Variants in SAXO4 observed in about 807,000 individuals in gnomAD.
SAXO4 encodes the protein protein phosphatase 1 regulatory subunit 32.
At chr11:61,481,235 T>C in the SAXO4 span, 2 of 152,256 alleles carry the variant, frequency 1.3e-5, no homozygotes, top group African/African-American at 4.8e-5. Flanking sequence ...GGGGCCGCTG[T>C]GGTTGGGCCT....
chr11:61,488,455 C>T, the SAXO4 span, among the ~76,000 whole-genome samples: 2 of 152,060 alleles, frequency 1.3e-5, no homozygotes, highest in Non-Finnish European at 2.9e-5. Flanking sequence ...CAGGCGCCTG[C>T]CACCACGCCC....
the SAXO4 span, among the ~76,000 whole-genome samples, chr11:61,488,133 T>C: frequency 6.6e-6 from 1 of 151,706 alleles, no homozygotes; most frequent in African/African-American, 2.4e-5. Flanking sequence ...ATTACAGGCA[T>C]GTGCCACCAT....
At chr11:61,489,840 C>T in the SAXO4 span, 1 of 1,613,952 alleles carries the variant, frequency 6.2e-7, no homozygotes, top group Non-Finnish European at 8.5e-7. Context: ...AGGTGGCATC[C>T]AGCCCCAGAT....
chr11:61,482,352 A>C, the SAXO4 span: 2 of 1,614,150 alleles, frequency 1.2e-6, no homozygotes, highest in African/African-American at 1.3e-5. Context: ...TCACGTAGGC[A>C]CCGGCTACAA....
At chr11:61,482,947 T>A in the SAXO4 span, 2 of 877,874 alleles carry the variant, frequency 2.3e-6, no homozygotes, top group Non-Finnish European at 3.3e-6. Context: ...CTCATCTTTC[T>A]CCCCTTTGTC....
At chr11:61,484,799 C>T in the SAXO4 span, 117 of 1,600,432 alleles carry the variant, frequency 7.3e-5, no homozygotes, top group African/African-American at 2.0e-4. Context: ...CCCGCTGGAG[C>T]GGGAGAACTT....
At chr11:61,486,304 G>A in the SAXO4 span, 1 of 1,609,728 alleles carries the variant, frequency 6.2e-7, no homozygotes, top group African/African-American at 1.3e-5. Flanking sequence ...GGCCCAGGCT[G>A]CCTCTGCGGG....
chr11:61,487,818 A>G, the SAXO4 span, among the ~76,000 whole-genome samples: 12 of 152,156 alleles, frequency 7.9e-5, no homozygotes, highest in Non-Finnish European at 1.5e-5. Context: ...CTCCCTCAGA[A>G]GGTAAATTCT....
chr11:61,490,395 G>A, the SAXO4 span: 8 of 1,046,378 alleles, frequency 7.6e-6, no homozygotes, highest in Non-Finnish European at 9.0e-6. Flanking sequence ...TGCCCTGGCT[G>A]AACCCTGGCT....
chr11:61,483,618 C>T, the SAXO4 span, among the ~76,000 whole-genome samples: 1 of 151,722 alleles, frequency 6.6e-6, no homozygotes, highest in South Asian at 2.1e-4. Context: ...CGGGGTGGGG[C>T]GGGGGTTAGG....
At chr11:61,488,381 T>C in the SAXO4 span, among the ~76,000 whole-genome samples, 1 of 148,312 alleles carries the variant, frequency 6.7e-6, no homozygotes, top group Non-Finnish European at 1.5e-5. Flanking sequence ...CTCGGCTCAC[T>C]GCAAACCCCG....
At chr11:61,482,857 G>T in the SAXO4 span, 18 of 1,525,634 alleles carry the variant, frequency 1.2e-5, no homozygotes, top group Non-Finnish European at 1.6e-5. Context: ...GGTGGGGTGG[G>T]GCTAGGGCTG....
At chr11:61,484,706 G>T in the SAXO4 span, 11 of 1,613,596 alleles carry the variant, frequency 6.8e-6, no homozygotes, top group Middle Eastern at 1.6e-4. Flanking sequence ...GGTCCATTTC[G>T]ACACCCAGGA....
chr11:61,485,860 C>T, the SAXO4 span: 172 of 1,614,054 alleles, frequency 1.1e-4, 3 homozygotes, highest in African/African-American at 1.6e-3. Context: ...AACAGTCCCA[C>T]CAGAGCCCCA....
At chr11:61,486,326 C>T in the SAXO4 span, 1 of 1,612,946 alleles carries the variant, frequency 6.2e-7, no homozygotes, top group Non-Finnish European at 8.5e-7. Context: ...CTGACATCCT[C>T]TGTGGGCCTA....
the SAXO4 span, chr11:61,485,838 G>A: frequency 6.2e-7 from 1 of 1,614,036 alleles, no homozygotes; most frequent in East Asian, 2.2e-5. Flanking sequence ...AAGGAGGGGA[G>A]TGGCTTCACC....
chr11:61,486,626 G>A, the SAXO4 span: 28 of 1,611,700 alleles, frequency 1.7e-5, no homozygotes, highest in South Asian at 2.2e-5. Context: ...TGGCCTTGGC[G>A]TCTTGCTCAG....
chr11:61,483,442 A>C, the SAXO4 span, among the ~76,000 whole-genome samples: 1 of 151,832 alleles, frequency 6.6e-6, no homozygotes, highest in Non-Finnish European at 1.5e-5. Context: ...CTGGGATTAC[A>C]GGCGTGAGCC....
chr11:61,488,486 A>G, the SAXO4 span, among the ~76,000 whole-genome samples: 2 of 151,820 alleles, frequency 1.3e-5, no homozygotes, highest in African/African-American at 2.4e-5. Flanking sequence ...TTGTATTTTT[A>G]GTAGAGACAG....
Sources: gnomAD v4.1 joint callset for allele counts (sites outside exome capture counted in the v4.1 genomes callset) on GRCh38, gnomAD v4.1.1 for gene constraint, MANE v1.5 for transcripts, NCBI Gene and HGNC (gene_info 2026-07-23, HGNC 2026-07-21) for gene names.